The following PRKAR1B variants were observed in gnomAD, a reference collection of about 807,000 sequenced individuals.
The protein encoded by PRKAR1B is cAMP-dependent protein kinase type I-beta regulatory subunit.
Under a neutral mutation model 46.5 loss-of-function variants are expected in PRKAR1B, and 22 were observed. That is an observed-to-expected ratio of 0.47 (90% CI 0.34 to 0.68). PRKAR1B has a LOEUF of 0.68. PRKAR1B is among the 30% of genes least tolerant of loss of function. The probability of loss-of-function intolerance (pLI) is 0.01; values close to 1 mark genes in which losing one functional copy is unlikely to be tolerated. For synonymous variants in PRKAR1B, 259 were observed against 217.7 expected, an observed-to-expected ratio of 1.19 and a Z score of -1.67; for missense variants, 445 against 535.6, an observed-to-expected ratio of 0.83 and a Z score of 1.67.
intron 4 of PRKAR1B, among the ~76,000 whole-genome samples, chr7:647,730 TG>T (rs1220593376): frequency 7.4e-5 from 9 of 122,184 alleles, no homozygotes; most frequent in Admixed American, 3.6e-4. Context: ...GGCATGAACC[TG>T]GGGGGGCAGA....
chr7:712,115 T>TGGCCA (rs988812745), intron 1 of PRKAR1B, among the ~76,000 whole-genome samples: 2 of 150,636 alleles, frequency 1.3e-5, no homozygotes, highest in African/African-American at 4.9e-5. Flanking sequence ...GAAGTCACCA[T>TGGCCA]GGCCAGGCCA....
chr7:567,513 TTCATCACCATCACCA>T (rs1335697814), intron 9 of PRKAR1B, among the ~76,000 whole-genome samples: 3 of 134,646 alleles, frequency 2.2e-5, no homozygotes, highest in East Asian at 2.4e-4. Context: ...CACCATCACC[TTCATCACCATCACCA>T]TCATCACTAT....
At chr7:692,613 G>A (rs183659099) in intron 2 of PRKAR1B, among the ~76,000 whole-genome samples, 5 of 152,204 alleles carry the variant, frequency 3.3e-5, no homozygotes, top group African/African-American at 4.8e-5. Context: ...CTCCCCTGAC[G>A]GCAGTGCAAA....
chr7:588,884 GACA>G, intron 7 of PRKAR1B, among the ~76,000 whole-genome samples: 1 of 35,452 alleles, frequency 2.8e-5, no homozygotes, highest in Non-Finnish European at 5.1e-5. Flanking sequence ...TGAGGATAGT[GACA>G]GTGGTGGTGA....
At chr7:682,546 C>T (rs1778749174) in intron 2 of PRKAR1B, among the ~76,000 whole-genome samples, 1 of 151,976 alleles carries the variant, frequency 6.6e-6, no homozygotes, top group African/African-American at 2.4e-5. Flanking sequence ...GAGATCGAGA[C>T]CATCTTGGCT....
intron 2 of PRKAR1B, among the ~76,000 whole-genome samples, chr7:687,430 A>C (rs1330215229): frequency 6.6e-6 from 1 of 152,210 alleles, no homozygotes; most frequent in African/African-American, 2.4e-5. Flanking sequence ...AATTGGAACT[A>C]AGAACTTGGT....
chr7:597,568 G>A (rs1781335475), intron 6 of PRKAR1B, among the ~76,000 whole-genome samples: 1 of 152,226 alleles, frequency 6.6e-6, no homozygotes. Context: ...CTTCCACGGA[G>A]CCAGAGAGTA....
At chr7:695,527 T>A (rs1045093899) in intron 2 of PRKAR1B, among the ~76,000 whole-genome samples, 1 of 152,090 alleles carries the variant, frequency 6.6e-6, no homozygotes, top group African/African-American at 2.4e-5. Flanking sequence ...GAGACTGCAG[T>A]GGAGGCAGAA....
intron 4 of PRKAR1B, among the ~76,000 whole-genome samples, chr7:619,550 C>G (rs548934618): frequency 1.3e-5 from 2 of 152,328 alleles, no homozygotes; most frequent in South Asian, 2.1e-4. Context: ...GGATTCAAAA[C>G]CGGGTGATCT....
chr7:609,469 C>T (rs1011644553), intron 4 of PRKAR1B, among the ~76,000 whole-genome samples: 2 of 152,106 alleles, frequency 1.3e-5, no homozygotes, highest in East Asian at 1.9e-4. Context: ...ACAGCTGCGG[C>T]TCCAGCCTCC....
chr7:601,286 C>T (rs749935797), intron 6 of PRKAR1B, among the ~76,000 whole-genome samples: 1 of 152,234 alleles, frequency 6.6e-6, no homozygotes, highest in South Asian at 2.1e-4. Context: ...ACCCAGGGTA[C>T]ATCCATCCCA....
intron 9 of PRKAR1B, among the ~76,000 whole-genome samples, chr7:574,523 C>A (rs1211924032): frequency 1.3e-5 from 2 of 152,136 alleles, no homozygotes; most frequent in African/African-American, 4.8e-5. Context: ...CAGCTCACTG[C>A]AATCTCTGCC....
chr7:584,765 G>A (rs1200458877), intron 7 of PRKAR1B, among the ~76,000 whole-genome samples, 197 bp from the exon 8 acceptor site: 2 of 151,974 alleles, frequency 1.3e-5, no homozygotes, highest in Non-Finnish European at 2.9e-5. Context: ...CCCTCCTCCC[G>A]GGGGGCTTCT....
rs545665079 is a variant in PRKAR1B at position 599,861 on chromosome 7, G to T, written c.550-3557C>A. Among the ~76,000 whole-genome samples the T allele has an allele frequency of 3.9e-3, 569 of 145,710 alleles. 14 individuals carry two copies. Among genetic ancestry groups the T allele is most frequent in the African/African-American group, 0.014 (534 of 39,054 alleles). ...TGGGACAGGGGTGCCAGGAGCTGGG[G>T]GAGGCACACGGGCAGGCCCCCCATT... On this transcript the variant is annotated intron_variant, in intron 6 of 10. Coordinates refer to ENST00000537384, the MANE Select transcript of PRKAR1B (RefSeq NM_001164760.2).
At chr7:559,453 C>T (rs976636365) in intron 9 of PRKAR1B, among the ~76,000 whole-genome samples, 7 of 152,170 alleles carry the variant, frequency 4.6e-5, no homozygotes, top group Non-Finnish European at 8.8e-5. Flanking sequence ...GGCTGGTGGT[C>T]GCACTTCCCC....
chr7:676,217 T>C (rs938983092), intron 4 of PRKAR1B, among the ~76,000 whole-genome samples: 2 of 152,158 alleles, frequency 1.3e-5, no homozygotes, highest in Admixed American at 6.5e-5. Context: ...TTTCAATCTT[T>C]TCAAAATTTT....
intron 9 of PRKAR1B, among the ~76,000 whole-genome samples, chr7:561,207 TGCACACACAG>T (rs1318306922): frequency 2.7e-5 from 4 of 147,448 alleles, no homozygotes; most frequent in Non-Finnish European, 6.0e-5. Context: ...CCCACACACA[TGCACACACAG>T]GCACACAAAC....
chr7:635,978 G>T (rs1217905096), intron 4 of PRKAR1B, among the ~76,000 whole-genome samples: 6 of 102,096 alleles, frequency 5.9e-5, no homozygotes, highest in African/African-American at 2.3e-4. Context: ...GTCCTCCACC[G>T]GCCGCGCCCT....
At position 550,118 on chromosome 7, in the gene PRKAR1B, G is replaced by A. The variant is rs977863014; in HGVS notation, c.*312C>T. On this transcript the variant is annotated 3_prime_UTR_variant, in exon 11 of 11. Coordinates refer to ENST00000537384, the MANE Select transcript of PRKAR1B (RefSeq NM_001164760.2). ...AGGACCGATCCTCAAGCATCTCCAG[G>A]AGACTGGCAGGGGTGGGGTGGGCCC... 5.3e-6 allele frequency: 2 copies of A among 377,346 alleles called. No homozygotes were observed. Among genetic ancestry groups the A allele is most frequent in the Non-Finnish European group, 9.9e-6 (2 of 203,008 alleles). The allele number at this position is 377,346 out of a possible 1,614,324, so 23.4% of individuals were successfully genotyped here.
Sources: gnomAD v4.1 joint callset for allele counts (sites outside exome capture counted in the v4.1 genomes callset) on GRCh38, gnomAD v4.1.1 for gene constraint, MANE v1.5 for transcripts, NCBI Gene and HGNC (gene_info 2026-07-23, HGNC 2026-07-21) for gene names.